Variants in PSMD11 observed in about 807,000 individuals in gnomAD.
PSMD11 encodes proteasome 26S subunit, non-ATPase 11.
PSMD11 carries 5 observed loss-of-function variants against 62.3 expected under a neutral mutation model. The observed-to-expected ratio is 0.08, with a 90% CI of 0.04 to 0.17. The LOEUF (loss-of-function observed/expected upper bound fraction) is 0.17. Among genes scored for constraint, PSMD11 ranks in the 10% least tolerant of loss-of-function variants. The probability of loss-of-function intolerance (pLI) is 1.00; values close to 1 mark genes in which losing one functional copy is unlikely to be tolerated. For missense variants in PSMD11, 310 were observed against 512.9 expected, an observed-to-expected ratio of 0.60 and a Z score of 3.82; for synonymous variants, 191 against 191.8, an observed-to-expected ratio of 1.00 and a Z score of 0.03.
chr17:32,460,345 G>C (rs759662444), intron 3 of PSMD11, among the ~76,000 whole-genome samples: 1 of 152,162 alleles, frequency 6.6e-6, no homozygotes, highest in African/African-American at 2.4e-5. Flanking sequence ...ACGGATGTGA[G>C]TCACTGTGCC....
chr17:32,468,614 A>T (rs1015792518), intron 5 of PSMD11, among the ~76,000 whole-genome samples: 1 of 152,246 alleles, frequency 6.6e-6, no homozygotes. Context: ...TCCTTCATCA[A>T]CCTAGTGCCC....
chr17:32,446,585 C>T (rs565594211), intron 1 of PSMD11, among the ~76,000 whole-genome samples: 1 of 152,282 alleles, frequency 6.6e-6, no homozygotes, highest in Non-Finnish European at 1.5e-5. Context: ...AAAATAGTGA[C>T]TGGAACAGAT....
At chr17:32,459,873 T>C (rs1907771822) in intron 3 of PSMD11, among the ~76,000 whole-genome samples, 1 of 151,538 alleles carries the variant, frequency 6.6e-6, no homozygotes, top group Non-Finnish European at 1.5e-5. Context: ...GTGATCCGCC[T>C]GTCTTGGCCT....
chr17:32,480,016 AG>A, intron 11 of PSMD11, 129 bp from the exon 12 acceptor site: 6 of 1,474,760 alleles, frequency 4.1e-6, no homozygotes, highest in Non-Finnish European at 5.7e-6. Context: ...TGTGGACTAG[AG>A]TAGGAGTTGC....
chr17:32,455,775 A>G (rs999123895), intron 3 of PSMD11, among the ~76,000 whole-genome samples: 1 of 152,220 alleles, frequency 6.6e-6, no homozygotes, highest in African/African-American at 2.4e-5. Flanking sequence ...TTAAAGTGTC[A>G]GTTATTTTAA....
At chr17:32,454,258 A>G (rs1907586280) in intron 2 of PSMD11, among the ~76,000 whole-genome samples, 1 of 152,216 alleles carries the variant, frequency 6.6e-6, no homozygotes, top group Non-Finnish European at 1.5e-5. Context: ...TTTTCCTGCA[A>G]CTTCATAGTA....
At chr17:32,459,099 C>CA (rs1250016169) in intron 3 of PSMD11, among the ~76,000 whole-genome samples, 941 of 61,154 alleles carry the variant, frequency 0.015, 11 homozygotes, top group African/African-American at 0.05. Flanking sequence ...GAGAGTGTCT[C>CA]AAAAAAAAAA....
At position 32,470,814 on chromosome 17, in the gene PSMD11, G is replaced by A. The variant is rs115569480; in HGVS notation, c.643+1621G>A. Reference sequence around the variant, plus strand: ...CTCATTTAGTTTAGCAGCATTAATGGTTTGTTGGGTTGTTGAAGGGGCTTT... The same window carrying A: ...CTCATTTAGTTTAGCAGCATTAATGATTTGTTGGGTTGTTGAAGGGGCTTT... On this transcript the variant is annotated intron_variant, in intron 6 of 13. Coordinates refer to ENST00000261712, the MANE Select transcript of PSMD11 (RefSeq NM_002815.4). 8.0e-3 allele frequency among the ~76,000 whole-genome samples: 1,217 copies of A among 152,334 alleles called. 18 individuals carry two copies. The highest frequency in any genetic ancestry group is 0.028 in the African/African-American group (1,162 of 41,572).
At chr17:32,444,835 G>A in intron 1 of PSMD11, 4 of 577,408 alleles carry the variant, frequency 6.9e-6, no homozygotes, top group Non-Finnish European at 1.2e-5. Flanking sequence ...CTCGCCGGCT[G>A]CTGACTCACG....
intron 8 of PSMD11, among the ~76,000 whole-genome samples, chr17:32,476,184 C>T (rs959016476): frequency 1.3e-5 from 2 of 152,124 alleles, no homozygotes; most frequent in Non-Finnish European, 2.9e-5. Flanking sequence ...AGGAGAATCA[C>T]TTCAAACGGG....
chr17:32,480,583 G>A lies in PSMD11; in HGVS notation c.1221G>A (p.Met407Ile). The A allele has an allele frequency of 6.2e-7, 1 of 1,614,174 alleles. No individual in the cohort carries two copies. Among genetic ancestry groups the A allele is most frequent in the African/African-American group, 1.3e-5 (1 of 75,036 alleles). ...CTGCTCTGGAAACAATTCAGAACAT[G>A]AGCAAAGTAGTGGATTCCCTCTACA... Reference protein sequence around the residue: ...YEAALETIQNMSKVVDSLYNK... With the variant: ...YEAALETIQNISKVVDSLYNK... Residue 407 changes from methionine to isoleucine, a missense_variant, in exon 13 of 14, where the codon ATG (methionine) becomes ATA (isoleucine). Physicochemically the swap from Met to Ile is conservative, Grantham distance 10 (BLOSUM62 1). Around this residue, in one of 6 missense-constraint regions of PSMD11, gnomAD observed 135 missense variants for 195.4 expected, o/e 0.69. Transcript: ENST00000261712.
At chr17:32,463,010 G>A (rs1907887718) in intron 3 of PSMD11, among the ~76,000 whole-genome samples, 1 of 152,186 alleles carries the variant, frequency 6.6e-6, no homozygotes, top group Non-Finnish European at 1.5e-5. Flanking sequence ...GAGAACTTTG[G>A]ATTTATATAA....
At chr17:32,479,478 C>T in intron 10 of PSMD11, 102 bp downstream of exon 10, 2 of 1,476,792 alleles carry the variant, frequency 1.4e-6, no homozygotes, top group South Asian at 2.7e-5. Context: ...AGGGGTGTGC[C>T]TGGTGGGCAA....
Position 32,478,204 on chromosome 17 carries a change from T to C in PSMD11, c.912+621T>C, listed in dbSNP as rs116719344. On this transcript the variant is annotated intron_variant, in intron 9 of 13. Transcript: ENST00000261712. ...ATAGTCTTTCCTGAACCTCTCTCCTTTTAGTCTGAGTATAATGATCAACTT... is the reference window on the plus strand; with the variant it reads ...ATAGTCTTTCCTGAACCTCTCTCCTCTTAGTCTGAGTATAATGATCAACTT... Among the ~76,000 whole-genome samples the C allele has an allele frequency of 5.7e-3, 865 of 152,276 alleles. 9 individuals are homozygous for C. Among genetic ancestry groups the C allele is most frequent in the African/African-American group, 0.019 (774 of 41,548 alleles).
In PSMD11 at chr17:32,448,199, G is replaced by C. The variant is rs369630756; in HGVS notation, c.193+1153G>C. The stretch of plus-strand genomic sequence containing the variant: ...CGGCCAGTGATTTTTTTCAATTAAA[G>C]ATAACTAACTTATTAATTATTAGGC... On this transcript the variant is annotated intron_variant, in intron 2 of 13. Transcript: ENST00000261712. Among the ~76,000 whole-genome samples the C allele has an allele frequency of 5.9e-5, 9 of 151,850 alleles. No homozygotes were observed. In the East Asian group the frequency reaches 1.6e-3, roughly 26 times the overall value.
At position 32,483,092 on chromosome 17, in the gene PSMD11, C is replaced by T. The variant is rs767892247; in HGVS notation, c.*2340C>T. 1 of 152,204 alleles carries T rather than the reference C, an allele frequency of 6.6e-6. No homozygotes were observed. The highest frequency in any genetic ancestry group is 1.5e-5 in the Non-Finnish European group (1 of 68,048). The allele number at this position is 152,204 out of a possible 1,614,324, so 9.4% of individuals were successfully genotyped here. A position where few individuals can be genotyped will look rare whatever the true frequency, so the allele number is the denominator to read the frequency against. On this transcript the variant is annotated 3_prime_UTR_variant, in exon 14 of 14. Coordinates refer to ENST00000261712, the MANE Select transcript of PSMD11 (RefSeq NM_002815.4). ...GCGGGTCTTGGTCAGATGATGCCCT[C>T]TAGACCCGTGCTGTCCAATATGTAG...
chr17:32,447,088 A>G, intron 2 of PSMD11, 42 bp downstream of exon 2: 1 of 1,458,654 alleles, frequency 6.9e-7, no homozygotes, highest in Non-Finnish European at 9.5e-7. Context: ...GCTCAGTGAA[A>G]TTCCTGTCTT....
intron 9 of PSMD11, 56 bp from the exon 10 acceptor site, chr17:32,479,195 A>G (rs1374317321): frequency 6.3e-7 from 1 of 1,595,220 alleles, no homozygotes; most frequent in Non-Finnish European, 8.5e-7. Context: ...AAGCAGGAGT[A>G]GCATGACTTT....
At chr17:32,467,189 C>T (rs964356900) in intron 5 of PSMD11, among the ~76,000 whole-genome samples, 12 of 151,386 alleles carry the variant, frequency 7.9e-5, no homozygotes, top group Admixed American at 4.6e-4. Flanking sequence ...GTGATCTGCC[C>T]GCCTTGGCCT....
Sources: gnomAD v4.1 joint callset for allele counts (sites outside exome capture counted in the v4.1 genomes callset) on GRCh38, gnomAD v4.1.1 for gene constraint, gnomAD v4.1.1 regional missense constraint, MANE v1.5 for transcripts, NCBI Gene and HGNC (gene_info 2026-07-23, HGNC 2026-07-21) for gene names.